The following BAZ1B variants were observed in gnomAD, a reference collection of about 807,000 sequenced individuals.
The protein encoded by BAZ1B is tyrosine-protein kinase BAZ1B.
Under a neutral mutation model 153.8 loss-of-function variants are expected in BAZ1B, and 22 were observed. The observed-to-expected ratio is 0.14, with a 90% CI of 0.10 to 0.20. The LOEUF is 0.20. BAZ1B is among the 10% of genes least tolerant of loss of function. BAZ1B has a pLI of 1.00. For missense variants in BAZ1B, 1,325 were observed against 1,799.3 expected (o/e 0.74, Z 4.77); for synonymous variants, 676 against 633.4 (o/e 1.07, Z -1.01).
At chr7:73,475,606 A>C (rs1788966448) in intron 7 of BAZ1B, among the ~76,000 whole-genome samples, 1 of 152,190 alleles carries the variant, frequency 6.6e-6, no homozygotes, top group Non-Finnish European at 1.5e-5. Context: ...GTTTTCTTTT[A>C]AAAATGTTTT....
chr7:73,478,587 G>A lies in BAZ1B; in HGVS notation c.892-18C>T, dbSNP rs1341976370. 2.7e-6 allele frequency: 4 copies of A among 1,466,812 alleles called. No homozygotes were observed. Among genetic ancestry groups the A allele is most frequent in the East Asian group, 2.4e-5 (1 of 42,144 alleles). 90.9% of individuals were successfully genotyped at this position (1,466,812 alleles called of 1,614,324 possible). On this transcript the variant is annotated intron_variant, in intron 6 of 19. Transcript: ENST00000339594. ...GTCATATACTAGAATTTAAGAATAG[G>A]AGCAAAATTAATTTTAAAATCTAAA...
Position 73,478,232 on chromosome 7 carries a change from C to T in BAZ1B, c.1229G>A (p.Gly410Asp). The T allele has an allele frequency of 1.9e-6, 3 of 1,614,142 alleles. No homozygotes were observed. Among genetic ancestry groups the T allele is most frequent in the Non-Finnish European group, 2.5e-6 (3 of 1,180,030 alleles). ...TGTGGATTTCTGTCCATTCAGGATG[C>T]CTTTGCTTCTGCCCTTTGCCTTCAA... ...KPLKAKGRSK[G>D]ILNGQKSTGN... The change falls in exon 7 of 20, where the codon GGC (glycine) becomes GAC (aspartate). Residue 410 changes from glycine to aspartate, a missense_variant. Physicochemically the swap from Gly to Asp is moderately conservative, Grantham distance 94 (BLOSUM62 -1). Coordinates refer to ENST00000339594, the MANE Select transcript of BAZ1B (RefSeq NM_032408.4).
chr7:73,459,430 C>G, intron 13 of BAZ1B, 106 bp downstream of exon 13: 2 of 1,154,608 alleles, frequency 1.7e-6, no homozygotes, highest in Non-Finnish European at 2.4e-6. Context: ...AACACTCACT[C>G]AGGGCACAGT....
intron 1 of BAZ1B, among the ~76,000 whole-genome samples, chr7:73,520,280 T>C (rs1294308629): frequency 7.9e-5 from 12 of 151,154 alleles, no homozygotes; most frequent in Admixed American, 7.9e-4. Flanking sequence ...GTGGAACTTC[T>C]CCAGAACATT....
chr7:73,490,608 T>A (rs1554575327), intron 5 of BAZ1B, among the ~76,000 whole-genome samples: 1 of 127,250 alleles, frequency 7.9e-6, no homozygotes, highest in South Asian at 2.3e-4. Flanking sequence ...AAACTAAGCA[T>A]TTTTTTTTTT....
At position 73,498,656 on chromosome 7, in the gene BAZ1B, G is replaced by A. The variant is rs1790010846; in HGVS notation, c.412C>T (p.His138Tyr). The change falls in exon 4 of 20, where the codon CAT becomes TAT. Residue 138 changes from histidine to tyrosine, a missense_variant. By Grantham distance (83) the His-to-Tyr change is moderately conservative. This residue lies in a region of BAZ1B where 153 missense variants were observed against 204.8 expected (regional missense o/e 0.75). Transcript: ENST00000339594. ...TCTTCATCCACTTTCTCCAAAGGATGAATCTTCACAATCTTCACCTTGAGC... is the reference window on the plus strand; with the variant it reads ...TCTTCATCCACTTTCTCCAAAGGATAAATCTTCACAATCTTCACCTTGAGC... ...KMLKVKIVKIHPLEKVDEEAT... is the reference protein window; with the variant it reads ...KMLKVKIVKIYPLEKVDEEAT... 6.2e-7 allele frequency: 1 copy of A among 1,613,936 alleles called. No homozygotes were observed. The highest frequency in any genetic ancestry group is 1.7e-5 in the Admixed American group (1 of 59,984).
chr7:73,489,413 A>T (rs113402875), intron 5 of BAZ1B, 22 bp from the exon 6 acceptor site: 23 of 1,613,132 alleles, frequency 1.4e-5, no homozygotes, highest in Middle Eastern at 1.7e-4. Context: ...AGAAACAAAT[A>T]ACTCACCACT....
rs373799414 is a variant in BAZ1B, at chr7:73,477,906, G to T, written c.1555C>A (p.Arg519=). 8 of 1,613,930 alleles carry T rather than the reference G, an allele frequency of 5.0e-6. No homozygotes were observed. The African/African-American group carries it at 1.1e-4, about 22-fold the overall frequency. ...EDRARLPEEL[R]SLVQKRYELL... is the part of the protein sequence containing the mutation. ...TCATAGCGTTTTTGAACAAGACTTCGCAATTCTTCTGGGAGACGAGCTCTA... is the reference window on the plus strand; with the variant it reads ...TCATAGCGTTTTTGAACAAGACTTCTCAATTCTTCTGGGAGACGAGCTCTA... The change falls in exon 7 of 20, where the codon CGA becomes AGA. Residue 519 remains arginine, a synonymous_variant. Transcript: ENST00000339594. This position sits in a 1 kb window ranked among gnomAD's most constrained non-coding sequence, Gnocchi z 5.6.
At chr7:73,510,244 A>G (rs1182925501) in intron 2 of BAZ1B, among the ~76,000 whole-genome samples, 1 of 152,152 alleles carries the variant, frequency 6.6e-6, no homozygotes, top group African/African-American at 2.4e-5. Context: ...CCTGGCTAAC[A>G]TAGTGAAACC....
At chr7:73,508,117 T>G (rs781996366) in intron 3 of BAZ1B, among the ~76,000 whole-genome samples, 1 of 152,150 alleles carries the variant, frequency 6.6e-6, no homozygotes, top group Non-Finnish European at 1.5e-5. Flanking sequence ...GATTGCGCAC[T>G]GCACTCCAGC....
chr7:73,442,034 AG>A (rs1302276936), intron 19 of BAZ1B, 146 bp downstream of exon 19: 8 of 623,356 alleles, frequency 1.3e-5, no homozygotes, highest in Non-Finnish European at 2.0e-5. Flanking sequence ...CCCAATATCA[AG>A]CCCCATAAAG....
At chr7:73,443,374 T>C (rs868932278) in intron 17 of BAZ1B, among the ~76,000 whole-genome samples, 4 of 143,702 alleles carry the variant, frequency 2.8e-5, no homozygotes, top group East Asian at 2.0e-4. Flanking sequence ...CCATTCCAGG[T>C]AGCCATAACA....
At chr7:73,472,686 C>G (rs1416104404) in intron 7 of BAZ1B, among the ~76,000 whole-genome samples, 1 of 152,212 alleles carries the variant, frequency 6.6e-6, no homozygotes, top group Non-Finnish European at 1.5e-5. Context: ...AAGCGATTCT[C>G]CTGCCGCAGC....
intron 12 of BAZ1B, chr7:73,462,426 T>A (rs1788427042): frequency 1.2e-5 from 2 of 161,970 alleles, no homozygotes; most frequent in Admixed American, 1.1e-4. Context: ...GTATGGGATC[T>A]TTTGAAAAGT....
At chr7:73,460,411 T>TAAA (rs1487391551) in intron 12 of BAZ1B, among the ~76,000 whole-genome samples, 9 of 152,192 alleles carry the variant, frequency 5.9e-5, no homozygotes, top group African/African-American at 2.2e-4. Flanking sequence ...AATGTTTTTT[T>TAAA]AATTTTTTTC....
At chr7:73,490,334 A>G (rs1554575296) in intron 5 of BAZ1B, among the ~76,000 whole-genome samples, 2 of 152,220 alleles carry the variant, frequency 1.3e-5, no homozygotes, top group African/African-American at 2.4e-5. Context: ...AAAATAATAT[A>G]AACAGAATAG....
chr7:73,474,164 A>G (rs925558702), intron 7 of BAZ1B, among the ~76,000 whole-genome samples: 11 of 152,208 alleles, frequency 7.2e-5, no homozygotes, highest in African/African-American at 2.7e-4. Context: ...TGACAAGCGT[A>G]TCAAGGCCAT....
In BAZ1B at chr7:73,508,183, G is replaced by C. The variant is rs1405932579; in HGVS notation, c.369+144C>G. 5 of 875,632 alleles carry C rather than the reference G, an allele frequency of 5.7e-6. No homozygotes were observed. In the African/African-American group the frequency reaches 8.7e-5, roughly 15 times the overall value. The allele number at this position is 875,632 out of a possible 1,614,324, so 54.2% of individuals were successfully genotyped here. A position where few individuals can be genotyped will look rare whatever the true frequency, so the allele number is the denominator to read the frequency against. ...AAAACAAAACCAAGAAAACACACAA[G>C]TATTAACGTAAAGTATTAATACTTA... On this transcript the variant is annotated intron_variant, in intron 3 of 19. Coordinates refer to ENST00000339594, the MANE Select transcript of BAZ1B (RefSeq NM_032408.4).
At chr7:73,449,836 G>T in intron 14 of BAZ1B, 147 bp from the exon 15 acceptor site, 1 of 818,714 alleles carries the variant, frequency 1.2e-6, no homozygotes, top group Non-Finnish European at 1.7e-6. Flanking sequence ...GTAAATGCAG[G>T]CATTTTCTAA....
Sources: allele counts gnomAD v4.1 joint callset (sites outside exome capture counted in the v4.1 genomes callset), GRCh38; gene constraint gnomAD v4.1.1; regional missense constraint gnomAD v4.1.1; non-coding constraint Gnocchi (gnomAD v3.1); transcripts MANE v1.5; gene names NCBI Gene and HGNC (gene_info 2026-07-23, HGNC 2026-07-21).